The following WDR64 variants were observed in gnomAD, a reference collection of about 807,000 sequenced individuals.
WDR64 encodes WD repeat domain 64, also known as WD repeat-containing protein 64.
A neutral mutation model predicts 139.3 loss-of-function variants in WDR64; 112 were observed. The ratio of observed to expected loss-of-function variants is 0.80; its 90% CI spans 0.69 to 0.94. The LOEUF is 0.94. Ranked by LOEUF, WDR64 falls within the 40% of genes least tolerant of loss-of-function variation. The pLI, the probability that WDR64 is intolerant of heterozygous loss-of-function variation, is 0.00. For synonymous variants in WDR64, 444 were observed against 437.7 expected, an observed-to-expected ratio of 1.01 and a Z score of -0.18; for missense variants, 1,206 against 1,293.1, an observed-to-expected ratio of 0.93 and a Z score of 1.03.
At chr1:241,746,470 G>A (rs1232754082) in intron 13 of WDR64, among the ~76,000 whole-genome samples, 1 of 151,844 alleles carries the variant, frequency 6.6e-6, no homozygotes, top group Non-Finnish European at 1.5e-5. Context: ...AATAAAGAAA[G>A]TGTCTCCATC....
chr1:241,665,418 G>A (rs993717042), intron 2 of WDR64, among the ~76,000 whole-genome samples: 1 of 152,154 alleles, frequency 6.6e-6, no homozygotes, highest in African/African-American at 2.4e-5. Context: ...TTCTTAATCA[G>A]TTGATATTAA....
intron 5 of WDR64, among the ~76,000 whole-genome samples, chr1:241,678,860 GAAAAAAAAAAA>G (rs58075238): frequency 3.0e-5 from 1 of 33,616 alleles, no homozygotes; most frequent in Non-Finnish European, 4.9e-5. Context: ...TTCTTAAACT[GAAAAAAAAAAA>G]AAAAAAAAAA....
chr1:241,756,288 G>A (rs965054142), intron 14 of WDR64, among the ~76,000 whole-genome samples: 3 of 152,166 alleles, frequency 2.0e-5, no homozygotes, highest in African/African-American at 7.2e-5. Flanking sequence ...TCCCTTGTAA[G>A]TTGTATTCCT....
At chr1:241,691,028 T>C (rs1246138148) in intron 8 of WDR64, among the ~76,000 whole-genome samples, 2 of 152,146 alleles carry the variant, frequency 1.3e-5, no homozygotes, top group African/African-American at 4.8e-5. Flanking sequence ...GGAATTAGGA[T>C]TTTTGTTTAT....
intron 1 of WDR64, among the ~76,000 whole-genome samples, chr1:241,659,900 T>C (rs1298559629): frequency 6.6e-6 from 1 of 152,220 alleles, no homozygotes; most frequent in Non-Finnish European, 1.5e-5. Flanking sequence ...GTGCAGAAGC[T>C]CTTAAGTTTA....
chr1:241,775,200 T>C lies in WDR64; in HGVS notation c.2526T>C (p.Ala842=). ...YTDSCTRILL[A]GNVEGHVILC... ...ATTCATGTACGAGGATACTACTGGC[T>C]GGAAATGTGGGTGAGTCATTACTCT... Residue 842 remains alanine (A), a synonymous_variant, in exon 21 of 28, where the codon GCT becomes GCC. Coordinates refer to ENST00000437684, the MANE Select transcript of WDR64 (RefSeq NM_001367482.1). 6.5e-7 allele frequency: 1 copy of C among 1,549,868 alleles called. No homozygotes were observed. Among genetic ancestry groups the C allele is most frequent in the Middle Eastern group, 1.7e-4 (1 of 5,990 alleles).
chr1:241,774,461 C>A (rs540926640), intron 20 of WDR64, among the ~76,000 whole-genome samples: 1 of 152,136 alleles, frequency 6.6e-6, no homozygotes, highest in Non-Finnish European at 1.5e-5. Context: ...AAAGGAGTAG[C>A]AAATTCAAAC....
intron 9 of WDR64, among the ~76,000 whole-genome samples, chr1:241,716,226 C>G (rs1426251981): frequency 1.3e-5 from 2 of 149,226 alleles, no homozygotes; most frequent in Non-Finnish European, 3.0e-5. Context: ...CTAGGCATAG[C>G]TGAATGTGTT....
intron 12 of WDR64, among the ~76,000 whole-genome samples, chr1:241,742,245 C>T (rs1669575181): frequency 7.0e-6 from 1 of 143,782 alleles, no homozygotes; most frequent in African/African-American, 2.8e-5. Flanking sequence ...GCCCTTTCTG[C>T]TGCATTTCCT....
At position 241,783,281 on chromosome 1, in the gene WDR64, C is replaced by T. The variant is rs1162178615; in HGVS notation, c.2605C>T (p.Gln869Ter). ...TGTTTTTGCTATCTAGAAATTCAAG[C>T]AGCTGCTTTCCTGGCGTGCTCATTC... ...DPPHDEKKFKQLLSWRAHSLE... is the reference protein window; with the variant it reads ...DPPHDEKKFK Residue 869 changes from glutamine (Q) to a stop codon, truncating the protein, a stop_gained, in exon 23 of 28, where the codon CAG becomes TAG. Transcript: ENST00000437684. LOFTEE classifies it high-confidence loss of function. 1 of 1,613,342 alleles carries T rather than the reference C, an allele frequency of 6.2e-7. No individual in the cohort carries two copies. Among genetic ancestry groups the T allele is most frequent in the Non-Finnish European group, 8.5e-7 (1 of 1,179,770 alleles).
intron 21 of WDR64, among the ~76,000 whole-genome samples, chr1:241,779,045 G>T (rs987947272): frequency 6.6e-6 from 1 of 151,846 alleles, no homozygotes; most frequent in South Asian, 2.1e-4. Context: ...TTTCTTGAAA[G>T]GCAGGCCTAT....
At chr1:241,725,584 A>G (rs536863834) in intron 10 of WDR64, among the ~76,000 whole-genome samples, 2 of 152,234 alleles carry the variant, frequency 1.3e-5, no homozygotes, top group South Asian at 4.1e-4. Context: ...CCACAAGGGA[A>G]AGACTCTAAG....
intron 6 of WDR64, 120 bp downstream of exon 6, chr1:241,679,715 A>G: frequency 1.3e-6 from 1 of 790,636 alleles, no homozygotes; most frequent in East Asian, 2.7e-5. Context: ...GAGAGGATTT[A>G]AGTAAGTAAT....
At chr1:241,775,732 C>T (rs1264977848) in intron 21 of WDR64, among the ~76,000 whole-genome samples, 1 of 152,016 alleles carries the variant, frequency 6.6e-6, no homozygotes, top group Non-Finnish European at 1.5e-5. Context: ...TCTTTGCTTT[C>T]CTTTCTCCTA....
chr1:241,668,414 C>A (rs1442076752), intron 2 of WDR64, among the ~76,000 whole-genome samples: 1 of 151,820 alleles, frequency 6.6e-6, no homozygotes, highest in African/African-American at 2.4e-5. Context: ...GACAGACCAC[C>A]AATTCTAAAC....
intron 8 of WDR64, among the ~76,000 whole-genome samples, chr1:241,708,558 C>T (rs1208140895): frequency 1.3e-5 from 2 of 152,196 alleles, no homozygotes; most frequent in Non-Finnish European, 2.9e-5. Context: ...ACATGATCCG[C>T]CCGCCTTGGC....
rs1261095276 is a variant in WDR64 at position 241,741,418 on chromosome 1, CTGTT to C, written c.1322-95_1322-92del. The C allele has an allele frequency of 1.1e-5, 11 of 984,692 alleles. No homozygotes were observed. The South Asian group carries it at 1.3e-4, about 12-fold the overall frequency. The allele number at this position is 984,692 out of a possible 1,614,324, so 61.0% of individuals were successfully genotyped here. ...GCATTGATTGATATTGCTAATCTCA[CTGTT>C]TGGCTGTTTCCAAACCCAACTGCTT... On this transcript the variant is annotated intron_variant, in intron 11 of 27. Transcript: ENST00000437684.
chr1:241,700,544 G>C (rs1667672342), intron 8 of WDR64, among the ~76,000 whole-genome samples: 1 of 152,170 alleles, frequency 6.6e-6, no homozygotes, highest in Non-Finnish European at 1.5e-5. Flanking sequence ...GCTTCTGGCT[G>C]GGAGGACAGT....
intron 10 of WDR64, among the ~76,000 whole-genome samples, chr1:241,731,899 AAC>A: frequency 6.6e-6 from 1 of 152,280 alleles, no homozygotes; most frequent in Non-Finnish European, 1.5e-5. Flanking sequence ...GAATTTCCTA[AAC>A]AGTGTTGAGT....
Sources: allele counts gnomAD v4.1 joint callset (sites outside exome capture counted in the v4.1 genomes callset), GRCh38; gene constraint gnomAD v4.1.1; transcripts MANE v1.5; gene names NCBI Gene and HGNC (gene_info 2026-07-23, HGNC 2026-07-21).